EGF: variants seen among roughly 807,000 people sequenced by gnomAD.
EGF encodes pro-epidermal growth factor.
In EGF, 95 loss-of-function variants were observed where a neutral mutation model predicts 143.8. That is an observed-to-expected ratio of 0.66 (90% CI 0.56 to 0.78). EGF has a LOEUF of 0.78. EGF is among the 30% of genes least tolerant of loss of function. The probability of loss-of-function intolerance (pLI) is 0.00; values close to 1 mark genes in which losing one functional copy is unlikely to be tolerated. For missense variants in EGF, 1,320 were observed against 1,470.9 expected (o/e 0.90, Z 1.68); for synonymous variants, 510 against 510.5 (o/e 1.00, Z 0.01).
At chr4:109,950,810 T>C (rs899949216) in intron 5 of EGF, among the ~76,000 whole-genome samples, 2 of 152,164 alleles carry the variant, frequency 1.3e-5, no homozygotes, top group African/African-American at 4.8e-5. Flanking sequence ...AGGAACACCT[T>C]CCTTGATCTA....
chr4:109,932,415 G>C (rs1469096719), intron 1 of EGF, among the ~76,000 whole-genome samples: 4 of 90,776 alleles, frequency 4.4e-5, no homozygotes, highest in African/African-American at 1.8e-4. Context: ...GTCTCGCTCT[G>C]TTGCCCAGGC....
At chr4:109,922,235 G>T (rs1737929196) in intron 1 of EGF, among the ~76,000 whole-genome samples, 2 of 151,618 alleles carry the variant, frequency 1.3e-5, no homozygotes, top group Admixed American at 1.3e-4. Context: ...AGACAAATTT[G>T]AAAAACCTGC....
chr4:109,969,189 A>C, intron 11 of EGF, 70 bp downstream of exon 11: 1 of 1,601,176 alleles, frequency 6.2e-7, no homozygotes. Flanking sequence ...TATTGGCTTC[A>C]TCTTCCACTT....
intron 21 of EGF, 151 bp downstream of exon 21, chr4:109,999,997 A>G: frequency 8.3e-7 from 1 of 1,203,962 alleles, no homozygotes; most frequent in Non-Finnish European, 1.2e-6. Flanking sequence ...CATGCCTGCA[A>G]TCCCAGCACT....
Position 110,001,534 on chromosome 4 carries a change from A to G in EGF, c.3173+1688A>G, listed in dbSNP as rs955640662. 2.5e-4 allele frequency: 226 copies of G among 890,202 alleles called. 1 individual carries two copies. Among genetic ancestry groups the G allele is most frequent in the Non-Finnish European group, 2.7e-4 (202 of 743,098 alleles). The allele number at this position is 890,202 out of a possible 1,614,324, so 55.1% of individuals were successfully genotyped here. ...TGGATCATTGCCAAAGGGCAGGAAA[A>G]AAAAATGGAAACTAGAAACTTAAGT... is the stretch of plus-strand genomic sequence containing the variant. On this transcript the variant is annotated intron_variant, in intron 21 of 23. Transcript: ENST00000265171.
chr4:109,988,520 C>G, intron 17 of EGF, 64 bp from the exon 18 acceptor site: 1 of 1,609,552 alleles, frequency 6.2e-7, no homozygotes, highest in Non-Finnish European at 8.5e-7. Flanking sequence ...CTTATTCTTT[C>G]CAACTAGTCC....
chr4:109,956,640 G>C lies in EGF; in HGVS notation c.941-2672G>C, dbSNP rs185198332. 1.0e-3 allele frequency among the ~76,000 whole-genome samples: 154 copies of C among 151,936 alleles called. No individual in the cohort carries two copies. In the Middle Eastern group the frequency reaches 0.02, roughly 20 times the overall value. ...TTTGATAGTTTAAGTGAAGCATATA[G>C]AACAAGAAAAATAATGTAACTATAC... is the stretch of plus-strand genomic sequence containing the variant. On this transcript the variant is annotated intron_variant, in intron 5 of 23. Transcript: ENST00000265171.
rs1553937989 is a variant in EGF at position 109,968,707 on chromosome 4, T to TCTACCTACCTACCTACCTAC, written c.1576-260_1576-241dup. ...ATCTATCTATCTATCTATCTATCTATCTACCTACCTACCTACCTACCTAAT... is the reference window on the plus strand; with the variant it reads ...ATCTATCTATCTATCTATCTATCTATCTACCTACCTACCTACCTACCTACCTACCTACCTACCTACCTAAT... On this transcript the variant is annotated intron_variant, in intron 10 of 23. Transcript: ENST00000265171. 2.5e-3 allele frequency: 883 copies of TCTACCTACCTACCTACCTAC among 351,366 alleles called. 23 individuals are homozygous for TCTACCTACCTACCTACCTAC. In the East Asian group the frequency reaches 0.04, roughly 16 times the overall value. 21.8% of individuals were successfully genotyped at this position (351,366 alleles called of 1,614,324 possible).
At chr4:109,960,665 A>C (rs779616971) in intron 6 of EGF, among the ~76,000 whole-genome samples, 3 of 152,184 alleles carry the variant, frequency 2.0e-5, no homozygotes, top group Non-Finnish European at 4.4e-5. Flanking sequence ...AAAGCATAAA[A>C]TGTGACAGAA....
intron 15 of EGF, among the ~76,000 whole-genome samples, chr4:109,981,456 T>G (rs1749344883): frequency 6.6e-6 from 1 of 152,186 alleles, no homozygotes; most frequent in Non-Finnish European, 1.5e-5. Context: ...TGATGTACTT[T>G]TTTACAAACT....
intron 15 of EGF, among the ~76,000 whole-genome samples, chr4:109,982,618 G>A (rs570689054): frequency 9.9e-5 from 15 of 152,050 alleles, no homozygotes; most frequent in African/African-American, 3.1e-4. Context: ...ATGAGCCACC[G>A]TGCCCGGCCT....
At position 109,988,668 on chromosome 4, in the gene EGF, G is replaced by C; in HGVS notation, c.2693G>C (p.Arg898Pro). ...CINTEGGYVC[R>P]CSEGYQGDGI... ...AACACCGAAGGTGGTTATGTCTGCC[G>C]GTGCTCAGAAGGCTACCAAGGAGAT... is the stretch of plus-strand genomic sequence containing the variant. Residue 898 changes from arginine (R) to proline (P), a missense_variant, in exon 18 of 24, where the codon CGG (arginine) becomes CCG (proline). Arg to Pro is a moderately radical substitution (Grantham distance 103). This residue lies in a region of EGF where 1,186 missense variants were observed against 1,313.7 expected (regional missense o/e 0.90). Coordinates refer to ENST00000265171, the MANE Select transcript of EGF (RefSeq NM_001963.6). 6.2e-7 allele frequency: 1 copy of C among 1,614,008 alleles called. No homozygotes were observed. The highest frequency in any genetic ancestry group is 1.3e-5 in the African/African-American group (1 of 75,024).
At chr4:109,972,681 G>C (rs142264666) in intron 11 of EGF, among the ~76,000 whole-genome samples, 1 of 152,168 alleles carries the variant, frequency 6.6e-6, no homozygotes, top group African/African-American at 2.4e-5. Context: ...AGTAGAAATG[G>C]TTTCAAATTC....
At chr4:109,942,385 C>T (rs931472013) in intron 2 of EGF, among the ~76,000 whole-genome samples, 6 of 152,124 alleles carry the variant, frequency 3.9e-5, no homozygotes, top group Non-Finnish European at 7.3e-5. Context: ...CAGTTTTGGC[C>T]ATTATTTTCA....
At chr4:109,996,503 A>G (rs1751812828) in intron 20 of EGF, among the ~76,000 whole-genome samples, 1 of 152,132 alleles carries the variant, frequency 6.6e-6, no homozygotes, top group Non-Finnish European at 1.5e-5. Context: ...TAACTATTCA[A>G]CCCTTGCCTC....
intron 1 of EGF, among the ~76,000 whole-genome samples, chr4:109,917,311 T>A (rs1280267341): frequency 6.6e-6 from 1 of 152,248 alleles, no homozygotes; most frequent in East Asian, 1.9e-4. Context: ...ATTTAGAAGT[T>A]GCTTGTGTTC....
chr4:109,941,078 G>T lies in EGF; in HGVS notation c.260G>T (p.Arg87Ile), dbSNP rs1384874033. 6.2e-7 allele frequency: 1 copy of T among 1,613,996 alleles called. No individual in the cohort carries two copies. The highest frequency in any genetic ancestry group is 1.1e-5 in the South Asian group (1 of 91,072). The stretch of plus-strand genomic sequence containing the variant: ...ATGGATTTTCATTATAATGAGAAAA[G>T]AATCTATTGGGTGGATTTAGAAAGA... Reference protein sequence around the residue: ...VIMDFHYNEKRIYWVDLERQL... With the variant: ...VIMDFHYNEKIIYWVDLERQL... The change falls in exon 2 of 24, where the codon AGA becomes ATA. Residue 87 changes from arginine to isoleucine, a missense_variant. Around this residue, in one of 5 missense-constraint regions of EGF, gnomAD observed 41 missense variants for 38.1 expected, o/e 1.07. Transcript: ENST00000265171.
At chr4:110,000,081 G>A (rs1162329110) in intron 21 of EGF, among the ~76,000 whole-genome samples, 1 of 151,892 alleles carries the variant, frequency 6.6e-6, no homozygotes, top group Non-Finnish European at 1.5e-5. Flanking sequence ...GTGAAACCCC[G>A]TCTCCACTAA....
At chr4:109,943,223 TTAA>T (rs771984189) in intron 2 of EGF, 28 bp from the exon 3 acceptor site, 1 of 1,463,480 alleles carries the variant, frequency 6.8e-7, no homozygotes, top group South Asian at 1.3e-5. Flanking sequence ...GGGGGAAGTA[TTAA>T]TAACAATTTT....
Sources: gnomAD v4.1 joint callset for allele counts (sites outside exome capture counted in the v4.1 genomes callset) on GRCh38, gnomAD v4.1.1 for gene constraint, gnomAD v4.1.1 regional missense constraint, MANE v1.5 for transcripts, NCBI Gene and HGNC (gene_info 2026-07-23, HGNC 2026-07-21) for gene names.